Variants in SORCS3 observed in about 807,000 individuals in gnomAD.
SORCS3 encodes the protein VPS10 domain-containing receptor SorCS3.
SORCS3 carries 57 observed loss-of-function variants against 146.3 expected under a neutral mutation model. The ratio of observed to expected loss-of-function variants is 0.39; its 90% confidence interval spans 0.31 to 0.49. SORCS3 has a LOEUF of 0.49. SORCS3 is among the 20% of genes least tolerant of loss of function. SORCS3 has a pLI of 0.92. For synonymous variants in SORCS3, 653 were observed against 618.5 expected (o/e 1.06, Z -0.83); for missense variants, 1,341 against 1,575.5 (o/e 0.85, Z 2.52).
At chr10:104,935,891 GA>G (rs1425141305) in intron 3 of SORCS3, among the ~76,000 whole-genome samples, 1 of 152,172 alleles carries the variant, frequency 6.6e-6, no homozygotes, top group East Asian at 1.9e-4. Flanking sequence ...GAGGAGGAGG[GA>G]AAGTGGTTAG....
intron 1 of SORCS3, among the ~76,000 whole-genome samples, chr10:104,710,271 A>G (rs1044157772): frequency 6.6e-6 from 1 of 152,214 alleles, no homozygotes; most frequent in Non-Finnish European, 1.5e-5. Flanking sequence ...GAGAAAAGTC[A>G]TTTGACTGAG....
chr10:104,921,163 C>T (rs1044921110), intron 3 of SORCS3, among the ~76,000 whole-genome samples: 4 of 152,206 alleles, frequency 2.6e-5, no homozygotes. Context: ...CCTGGGTTCC[C>T]AGAACTCATT....
At chr10:104,998,878 A>G (rs1408913099) in intron 4 of SORCS3, among the ~76,000 whole-genome samples, 2 of 152,162 alleles carry the variant, frequency 1.3e-5, no homozygotes, top group African/African-American at 4.8e-5. Context: ...CTCCATTTGC[A>G]ATTCATCAAG....
chr10:105,224,121 TC>T (rs2056720415), intron 20 of SORCS3, among the ~76,000 whole-genome samples: 1 of 152,228 alleles, frequency 6.6e-6, no homozygotes, highest in Non-Finnish European at 1.5e-5. Flanking sequence ...TACTTTAGAT[TC>T]ATTTCTGGTT....
intron 6 of SORCS3, among the ~76,000 whole-genome samples, chr10:105,104,348 ACT>A (rs1168220197): frequency 6.6e-6 from 1 of 152,036 alleles, no homozygotes; most frequent in Non-Finnish European, 1.5e-5. Flanking sequence ...CTTCACAGAG[ACT>A]CACCTGTAGT....
intron 17 of SORCS3, among the ~76,000 whole-genome samples, chr10:105,211,633 T>A (rs1009395634): frequency 3.9e-5 from 6 of 152,344 alleles, no homozygotes; most frequent in African/African-American, 1.4e-4. Flanking sequence ...GTGACACTGA[T>A]GCTGAAAACT....
At chr10:105,260,367 G>A (rs2056953546) in intron 25 of SORCS3, among the ~76,000 whole-genome samples, 1 of 152,194 alleles carries the variant, frequency 6.6e-6, no homozygotes, top group African/African-American at 2.4e-5. Flanking sequence ...AGGAATCTCA[G>A]TTATTAGACT....
intron 5 of SORCS3, among the ~76,000 whole-genome samples, chr10:105,045,493 T>C (rs538359989): frequency 2.6e-5 from 4 of 152,180 alleles, no homozygotes; most frequent in Non-Finnish European, 5.9e-5. Flanking sequence ...AGGTGTCGTG[T>C]GAGTCATGGC....
At chr10:105,161,591 A>G (rs2056263398) in intron 11 of SORCS3, among the ~76,000 whole-genome samples, 1 of 152,038 alleles carries the variant, frequency 6.6e-6, no homozygotes, top group East Asian at 1.9e-4. Flanking sequence ...TAGTATAGAG[A>G]GTTTGGCAAT....
chr10:105,028,585 C>T (rs1464342657), intron 4 of SORCS3, among the ~76,000 whole-genome samples: 1 of 152,104 alleles, frequency 6.6e-6, no homozygotes, highest in Non-Finnish European at 1.5e-5. Context: ...ATCAAACAGC[C>T]TGGTTTGAAT....
chr10:104,823,819 C>G (rs2017903208), intron 1 of SORCS3, among the ~76,000 whole-genome samples: 1 of 152,176 alleles, frequency 6.6e-6, no homozygotes, highest in South Asian at 2.1e-4. Flanking sequence ...AATAAGGTAG[C>G]AGTCAGCTGA....
intron 1 of SORCS3, chr10:104,665,440 G>A (rs769714046): frequency 6.6e-6 from 1 of 152,094 alleles, no homozygotes; most frequent in Non-Finnish European, 1.5e-5. Context: ...TCTATTCCAC[G>A]GCACTCACAA....
intron 1 of SORCS3, among the ~76,000 whole-genome samples, chr10:104,700,386 A>G (rs2016266545): frequency 6.6e-6 from 1 of 151,960 alleles, no homozygotes; most frequent in Non-Finnish European, 1.5e-5. Flanking sequence ...TGTTAGTTTC[A>G]TGTTCCAGCA....
chr10:104,898,979 C>A (rs757143294), intron 2 of SORCS3, among the ~76,000 whole-genome samples: 4 of 152,206 alleles, frequency 2.6e-5, no homozygotes, highest in Non-Finnish European at 5.9e-5. Context: ...ATGTCCAGCC[C>A]TCCCATTCCT....
intron 22 of SORCS3, among the ~76,000 whole-genome samples, chr10:105,248,508 G>T (rs974793483): frequency 4.6e-5 from 7 of 152,146 alleles, no homozygotes; most frequent in Middle Eastern, 3.2e-3. Flanking sequence ...GAGGTCAAGA[G>T]ATCGAGACCA....
At chr10:104,827,721 C>T (rs2017954188) in intron 1 of SORCS3, among the ~76,000 whole-genome samples, 1 of 152,100 alleles carries the variant, frequency 6.6e-6, no homozygotes, top group Non-Finnish European at 1.5e-5. Flanking sequence ...TATGAAAGTC[C>T]CAGATGGCAT....
intron 3 of SORCS3, among the ~76,000 whole-genome samples, chr10:104,928,664 G>C (rs756602313): frequency 6.6e-6 from 1 of 152,124 alleles, no homozygotes; most frequent in African/African-American, 2.4e-5. Flanking sequence ...GCTGGTGAGC[G>C]TGTCTGGGCA....
At chr10:104,696,526 TATATATTATATAC>T (rs1392757469) in intron 1 of SORCS3, among the ~76,000 whole-genome samples, 9 of 90,676 alleles carry the variant, frequency 9.9e-5, no homozygotes, top group East Asian at 3.3e-4. Flanking sequence ...TAATATAGAA[TATATATTATATAC>T]ATATATAATA....
At chr10:104,916,451 C>A (rs926521861) in intron 3 of SORCS3, among the ~76,000 whole-genome samples, 2 of 152,176 alleles carry the variant, frequency 1.3e-5, no homozygotes, top group Non-Finnish European at 2.9e-5. Context: ...TGATCCTGAG[C>A]TGCTTCTGAG....
Sources: gnomAD v4.1 joint callset for allele counts (sites outside exome capture counted in the v4.1 genomes callset) on GRCh38, gnomAD v4.1.1 for gene constraint, MANE v1.5 for transcripts, NCBI Gene and HGNC (gene_info 2026-07-23, HGNC 2026-07-21) for gene names.